The following KLF11 variants were observed in gnomAD, a reference collection of about 807,000 sequenced individuals.
The protein encoded by KLF11 is Krueppel-like factor 11.
A neutral mutation model predicts 29.9 loss-of-function variants in KLF11; 26 were observed. The ratio of observed to expected loss-of-function variants is 0.87; its 90% CI spans 0.64 to 1.21. The LOEUF (loss-of-function observed/expected upper bound fraction) is 1.21, where lower values mean the gene tolerates loss of function less well. Ranked by LOEUF, KLF11 falls within the 50% of genes most tolerant of loss-of-function variation. The pLI is 0.00. For synonymous variants in KLF11, 318 were observed against 257.4 expected, an observed-to-expected ratio of 1.24 and a Z score of -2.25; for missense variants, 778 against 665.7, an observed-to-expected ratio of 1.17 and a Z score of -1.86.
intron 1 of KLF11, among the ~76,000 whole-genome samples, chr2:10,045,310 C>T (rs1019652176): frequency 6.6e-6 from 1 of 152,122 alleles, no homozygotes; most frequent in Non-Finnish European, 1.5e-5. Context: ...CTCCCAGCTA[C>T]TCTGGAGGCT....
chr2:10,043,739 GC>G lies in KLF11; in HGVS notation c.26del (p.Pro9GlnfsTer46), dbSNP rs1661067839. On this transcript the variant is annotated frameshift_variant, in exon 1 of 4. Transcript: ENST00000305883. LOFTEE classifies it high-confidence loss of function. ...ACGATGCACACGCCGGACTTCGCAG[GC>G]CCAGACGACGCGCGCGCAGTGAGTG... MHTPDFA[G>X]PDDARAVDIM... The G allele has an allele frequency of 2.9e-6, 4 of 1,382,724 alleles. No homozygotes were observed. The African/African-American group carries it at 4.6e-5, about 16-fold the overall frequency. 85.7% of individuals were successfully genotyped at this position (1,382,724 alleles called of 1,614,324 possible).
chr2:10,043,602 G>C lies in KLF11; in HGVS notation c.-115G>C. On this transcript the variant is annotated 5_prime_UTR_variant, in exon 1 of 4. Transcript: ENST00000305883. ...CGCGCGGGCGGGCGAGGCGCGTGCC[G>C]GCCGCAGGAGCTCCGGGTTGCCGCC... 2.9e-6 allele frequency: 2 copies of C among 682,410 alleles called. No homozygotes were observed. The highest frequency in any genetic ancestry group is 1.2e-4 in the South Asian group (2 of 16,150). The allele number at this position is 682,410 out of a possible 1,614,324, so 42.3% of individuals were successfully genotyped here. A position where few individuals can be genotyped will look rare whatever the true frequency, so the allele number is the denominator to read the frequency against.
chr2:10,048,467 C>T lies in KLF11; in HGVS notation c.1130C>T (p.Thr377Ile), dbSNP rs370236540. The T allele has an allele frequency of 1.1e-4, 175 of 1,613,946 alleles. No homozygotes were observed. Among genetic ancestry groups the T allele is most frequent in the Middle Eastern group, 1.6e-4 (1 of 6,084 alleles). ...LPLAPAPVFI[T>I]SSQNCVPQVD... is the part of the protein sequence containing the mutation. ...CTTGCCCCTGCTCCAGTGTTCATCA[C>T]CTCTAGCCAAAACTGTGTCCCTCAG... The change falls in exon 3 of 4, where the codon ACC becomes ATC. Residue 377 changes from threonine (T) to isoleucine (I), a missense_variant. By Grantham distance (89) the Thr-to-Ile change is moderately conservative. Coordinates refer to ENST00000305883, the MANE Select transcript of KLF11 (RefSeq NM_003597.5).
chr2:10,043,857 G>A, intron 1 of KLF11, 99 bp downstream of exon 1: 2 of 1,176,474 alleles, frequency 1.7e-6, no homozygotes, highest in Non-Finnish European at 2.1e-6. Flanking sequence ...GCGGGAGGTG[G>A]GGCGTGCAGG....
At position 10,047,639 on chromosome 2, in the gene KLF11, T is replaced by G; in HGVS notation, c.313-11T>G. On this transcript the variant is annotated splice_polypyrimidine_tract_variant and intron_variant, in intron 2 of 3. Transcript: ENST00000305883. ...TAAAGCAACCTTTTAACATGGTACT[T>G]TTTTTTTTAGTGCATAACTCCTCCT... The G allele has an allele frequency of 1.3e-6, 2 of 1,590,584 alleles. No homozygotes were observed. Among genetic ancestry groups the G allele is most frequent in the South Asian group, 2.2e-5 (2 of 90,058 alleles).
In KLF11 at chr2:10,046,413, G is replaced by A. The variant is rs774134280; in HGVS notation, c.306G>A (p.Ser102=). 29 of 1,613,750 alleles carry A rather than the reference G, an allele frequency of 1.8e-5. 2 individuals are homozygous for A. Among genetic ancestry groups the A allele is most frequent in the South Asian group, 1.3e-4 (12 of 91,062 alleles). ...TACCAAAAGACTTCCATTCTTTATCGACTCTGGTAAGAGGAGGTGGGAGGG... is the reference window on the plus strand; with the variant it reads ...TACCAAAAGACTTCCATTCTTTATCAACTCTGGTAAGAGGAGGTGGGAGGG... ...PELPKDFHSL[S]TLCITPPQSP... Residue 102 remains serine (S), a synonymous_variant, in exon 2 of 4, where the codon TCG becomes TCA. Coordinates refer to ENST00000305883, the MANE Select transcript of KLF11 (RefSeq NM_003597.5).
At chr2:10,046,960 G>A (rs901831810) in intron 2 of KLF11, among the ~76,000 whole-genome samples, 1 of 152,202 alleles carries the variant, frequency 6.6e-6, no homozygotes, top group Non-Finnish European at 1.5e-5. Flanking sequence ...GTTAATGTCC[G>A]TGGGATGAAA....
rs768756551 is a variant in KLF11 at position 10,048,295 on chromosome 2, C to G, written c.958C>G (p.Gln320Glu). 1.9e-6 allele frequency: 3 copies of G among 1,600,516 alleles called. No individual in the cohort carries two copies. The highest frequency in any genetic ancestry group is 1.1e-5 in the South Asian group (1 of 89,030). ...SVGTVRPILA[Q>E]AAPAPQPVFV... is the part of the protein sequence containing the mutation. The stretch of plus-strand genomic sequence containing the variant: ...GGGGACTGTGAGACCCATCCTAGCT[C>G]AGGCTGCTCCAGCGCCTCAACCTGT... The change falls in exon 3 of 4, where the codon CAG becomes GAG. Residue 320 changes from glutamine (Q) to glutamate (E), a missense_variant. Transcript: ENST00000305883.
At chr2:10,045,597 C>A (rs1470832320) in intron 1 of KLF11, among the ~76,000 whole-genome samples, 2 of 152,226 alleles carry the variant, frequency 1.3e-5, no homozygotes, top group African/African-American at 4.8e-5. Flanking sequence ...ACTTCCACTC[C>A]CGAATCTGTG....
intron 2 of KLF11, 107 bp from the exon 3 acceptor site, chr2:10,047,543 A>T (rs1187799902): frequency 7.2e-6 from 7 of 976,312 alleles, no homozygotes; most frequent in African/African-American, 3.2e-5. Flanking sequence ...AAACAGGGTT[A>T]ACTGAGTGTC....
chr2:10,043,875 T>C lies in KLF11; in HGVS notation c.42+117T>C. The C allele has an allele frequency of 1.0e-5, 11 of 1,090,348 alleles. No homozygotes were observed. In the South Asian group the frequency reaches 3.1e-4, roughly 31 times the overall value. 67.5% of individuals were successfully genotyped at this position (1,090,348 alleles called of 1,614,324 possible). A position where few individuals can be genotyped will look rare whatever the true frequency, so the allele number is the denominator to read the frequency against. ...GGAGGTGGGGCGTGCAGGGCTTCGC[T>C]GCGGCCGCGCCGGTAGGGGCCTGGG... On this transcript the variant is annotated intron_variant, in intron 1 of 3. Coordinates refer to ENST00000305883, the MANE Select transcript of KLF11 (RefSeq NM_003597.5).
rs754321813 is a variant in KLF11 at position 10,048,278 on chromosome 2, T to A, written c.941T>A (p.Val314Glu). The A allele has an allele frequency of 6.2e-7, 1 of 1,606,208 alleles. No homozygotes were observed. The highest frequency in any genetic ancestry group is 1.1e-5 in the South Asian group (1 of 89,966). ...CCTCCCCAGTTGTCTGTGGGGACTGTGAGACCCATCCTAGCTCAGGCTGCT... is the reference window on the plus strand; with the variant it reads ...CCTCCCCAGTTGTCTGTGGGGACTGAGAGACCCATCCTAGCTCAGGCTGCT... ...KPPPQLSVGT[V>E]RPILAQAAPA... Residue 314 changes from valine (V) to glutamate (E), a missense_variant, in exon 3 of 4, where the codon GTG (valine) becomes GAG (glutamate). Physicochemically the swap from Val to Glu is moderately radical, Grantham distance 121 (BLOSUM62 -2). Coordinates refer to ENST00000305883, the MANE Select transcript of KLF11 (RefSeq NM_003597.5).
At chr2:10,044,309 G>C in intron 1 of KLF11, 2 of 985,664 alleles carry the variant, frequency 2.0e-6, no homozygotes, top group Non-Finnish European at 2.4e-6. Context: ...AACGCTTGGA[G>C]GCGGGAACGC....
At chr2:10,052,143 G>A (rs909434261) in intron 3 of KLF11, 84 bp from the exon 4 acceptor site, 8 of 1,383,882 alleles carry the variant, frequency 5.8e-6, no homozygotes, top group Middle Eastern at 1.8e-4. Flanking sequence ...TGATGAACAC[G>A]ATTTTAAAAT....
At chr2:10,047,506 C>A in intron 2 of KLF11, 144 bp from the exon 3 acceptor site, 2 of 747,646 alleles carry the variant, frequency 2.7e-6, no homozygotes, top group Admixed American at 2.1e-5. Flanking sequence ...GTGCCTCATG[C>A]AGCCTTGAAA....
In KLF11 at chr2:10,052,724, GT is replaced by G. The variant is rs34206941; in HGVS notation, c.*227del. 2.1e-4 allele frequency: 90 copies of G among 433,992 alleles called. No individual in the cohort carries two copies. The highest frequency in any genetic ancestry group is 1.2e-3 in the Middle Eastern group (2 of 1,734). 26.9% of individuals were successfully genotyped at this position (433,992 alleles called of 1,614,324 possible). A position where few individuals can be genotyped will look rare whatever the true frequency, so the allele number is the denominator to read the frequency against. ...TAGTTTCAGAAGTTTTTTTGTTTTG[GT>G]TTTTTTTTTAAAGAAATGGTAGAAA... On this transcript the variant is annotated 3_prime_UTR_variant, in exon 4 of 4. Coordinates refer to ENST00000305883, the MANE Select transcript of KLF11 (RefSeq NM_003597.5).
At chr2:10,045,498 G>GA (rs150104077) in intron 1 of KLF11, among the ~76,000 whole-genome samples, 7,717 of 149,166 alleles carry the variant, frequency 0.052, 292 homozygotes, top group East Asian at 0.17. Context: ...ATCTCAAAAA[G>GA]AAAAAAAAAA....
intron 3 of KLF11, 34 bp from the exon 4 acceptor site, chr2:10,052,193 C>A: frequency 6.2e-7 from 1 of 1,609,728 alleles, no homozygotes; most frequent in South Asian, 1.1e-5. Flanking sequence ...TTAGCGTTTC[C>A]TTTCTCTTTA....
rs1281015711 is a variant in KLF11, at chr2:10,052,512, TC to T, written c.*7del. The T allele has an allele frequency of 6.2e-7, 1 of 1,613,524 alleles. No individual in the cohort carries two copies. ...AGCATGCCAGCCTCTGCCTGAAAGG[TC>T]CATTAGGACATCACTCATGGGATTT... On this transcript the variant is annotated 3_prime_UTR_variant, in exon 4 of 4. Transcript: ENST00000305883.
Sources: allele counts gnomAD v4.1 joint callset (sites outside exome capture counted in the v4.1 genomes callset), GRCh38; gene constraint gnomAD v4.1.1; transcripts MANE v1.5; gene names NCBI Gene and HGNC (gene_info 2026-07-23, HGNC 2026-07-21).